The following URM1 variants were observed in gnomAD, a reference collection of about 807,000 sequenced individuals.
URM1 encodes ubiquitin related modifier 1, also known as ubiquitin-related modifier 1.
A neutral mutation model predicts 17.7 loss-of-function variants in URM1; 11 were observed. The ratio of observed to expected loss-of-function variants is 0.62; its 90% CI spans 0.39 to 1.03. The LOEUF is 1.03. URM1 is among the 50% of genes least tolerant of loss of function. The pLI is 0.00. For missense variants in URM1, 128 were observed against 129.2 expected (o/e 0.99, Z 0.04); for synonymous variants, 48 against 50.6 (o/e 0.95, Z 0.22).
At chr9:128,378,958 A>AG (rs1344085374) in intron 2 of URM1, among the ~76,000 whole-genome samples, 1 of 151,680 alleles carries the variant, frequency 6.6e-6, no homozygotes, top group Non-Finnish European at 1.5e-5. Context: ...AAAAAAAAAA[A>AG]AAAAAAAAAG....
chr9:128,385,121 CT>C (rs1833209908), intron 2 of URM1, among the ~76,000 whole-genome samples: 1 of 152,172 alleles, frequency 6.6e-6, no homozygotes, highest in African/African-American at 2.4e-5. Context: ...TTCTCAAGGC[CT>C]GGCCCCATCT....
At chr9:128,378,399 T>TGA (rs1248628149) in intron 2 of URM1, among the ~76,000 whole-genome samples, 3 of 150,568 alleles carry the variant, frequency 2.0e-5, no homozygotes, top group Admixed American at 6.6e-5. Flanking sequence ...TAGCTGGGCA[T>TGA]GGTGGCGCGT....
chr9:128,388,998 C>G, intron 3 of URM1: 1 of 1,296,288 alleles, frequency 7.7e-7, no homozygotes, highest in South Asian at 2.5e-5. Flanking sequence ...TACTCAGAAA[C>G]AAAATGACCT....
intron 1 of URM1, among the ~76,000 whole-genome samples, chr9:128,373,589 G>A (rs897648089): frequency 2.0e-5 from 3 of 152,106 alleles, no homozygotes; most frequent in African/African-American, 7.2e-5. Flanking sequence ...TCTTCCCCCT[G>A]AATTGTTCTC....
At position 128,377,871 on chromosome 9, in the gene URM1, G is replaced by GAA. The variant is rs941391888; in HGVS notation, c.36-165_36-164insAA. 6.0e-6 allele frequency: 4 copies of GAA among 667,774 alleles called. No individual in the cohort carries two copies. The Admixed American group carries it at 8.7e-5, about 15-fold the overall frequency. 41.4% of individuals were successfully genotyped at this position (667,774 alleles called of 1,614,324 possible). A position where few individuals can be genotyped will look rare whatever the true frequency, so the allele number is the denominator to read the frequency against. ...TAAGAACCTGTCTCTAAGAAAGAAA[G>GAA]GGGGAGAAAAAGAATTAGTCACTGC... On this transcript the variant is annotated intron_variant, in intron 1 of 4. Transcript: ENST00000372853.
rs1034569862 is a variant in URM1, at chr9:128,391,075, T to C, written c.*1341T>C. The C allele has an allele frequency of 1.3e-5, 2 of 152,230 alleles. No individual in the cohort carries two copies. The highest frequency in any genetic ancestry group is 2.4e-5 in the African/African-American group (1 of 41,448). The allele number at this position is 152,230 out of a possible 1,614,324, so 9.4% of individuals were successfully genotyped here. A position where few individuals can be genotyped will look rare whatever the true frequency, so the allele number is the denominator to read the frequency against. ...TGCTGAGCCCCCTTTCTGTGGTCTT[T>C]CCTTTCCATGACCTAGAGAAAAGAG... On this transcript the variant is annotated 3_prime_UTR_variant, in exon 5 of 5. Transcript: ENST00000372853.
intron 2 of URM1, among the ~76,000 whole-genome samples, chr9:128,379,727 AG>A (rs1233027388): frequency 5.9e-5 from 9 of 151,320 alleles, no homozygotes; most frequent in Admixed American, 4.0e-4. Flanking sequence ...TTAAACCTAA[AG>A]GGGCGGAGGT....
At chr9:128,382,780 A>T (rs1188135382) in intron 2 of URM1, among the ~76,000 whole-genome samples, 2 of 152,172 alleles carry the variant, frequency 1.3e-5, no homozygotes, top group Non-Finnish European at 2.9e-5. Flanking sequence ...GGTGAAGCAG[A>T]GTGTGCTGAC....
At chr9:128,373,172 C>T (rs1833033879) in intron 1 of URM1, among the ~76,000 whole-genome samples, 2 of 147,902 alleles carry the variant, frequency 1.4e-5, no homozygotes, top group Admixed American at 6.8e-5. Flanking sequence ...GACAACATTC[C>T]TCCACCCACC....
intron 2 of URM1, among the ~76,000 whole-genome samples, chr9:128,381,103 T>C (rs951463454): frequency 2.6e-5 from 4 of 152,038 alleles, no homozygotes; most frequent in Non-Finnish European, 4.4e-5. Flanking sequence ...GGATTACAGG[T>C]GTGAGCCACC....
chr9:128,378,125 A>G lies in URM1; in HGVS notation c.106+19A>G, dbSNP rs143343940. On this transcript the variant is annotated intron_variant, in intron 2 of 4. Transcript: ENST00000372853. ...GAACCCTGTGAGTATTGGCTTTCTG[A>G]ACCCCTCTCTTGGGGCCATTGAACA... 1 of 1,573,554 alleles carries G rather than the reference A, an allele frequency of 6.4e-7. No homozygotes were observed. Among genetic ancestry groups the G allele is most frequent in the Non-Finnish European group, 8.7e-7 (1 of 1,149,316 alleles).
At chr9:128,374,489 G>T (rs1168433957) in intron 1 of URM1, among the ~76,000 whole-genome samples, 18 of 151,774 alleles carry the variant, frequency 1.2e-4, no homozygotes, top group Admixed American at 1.2e-3. Flanking sequence ...AGAAAACGAG[G>T]CTCTTGGAAG....
intron 2 of URM1, among the ~76,000 whole-genome samples, chr9:128,382,004 G>C (rs1833165475): frequency 6.6e-6 from 1 of 152,240 alleles, no homozygotes; most frequent in Non-Finnish European, 1.5e-5. Flanking sequence ...GAAAGAGAAG[G>C]AGGGAGGGAC....
intron 1 of URM1, among the ~76,000 whole-genome samples, chr9:128,371,914 G>C (rs918482096): frequency 6.6e-6 from 1 of 152,336 alleles, no homozygotes; most frequent in Admixed American, 6.5e-5. Context: ...ATGGTAAACA[G>C]ACCTGAGCCT....
intron 2 of URM1, among the ~76,000 whole-genome samples, chr9:128,386,413 G>A (rs1445221583): frequency 2.0e-5 from 3 of 152,222 alleles, no homozygotes; most frequent in Admixed American, 6.5e-5. Flanking sequence ...TCCAGGGACC[G>A]TGAAGACTCT....
chr9:128,385,109 C>T (rs1047063761), intron 2 of URM1, among the ~76,000 whole-genome samples: 1 of 152,118 alleles, frequency 6.6e-6, no homozygotes, highest in African/African-American at 2.4e-5. Flanking sequence ...GGAGCAGGCC[C>T]GTTCTCAAGG....
chr9:128,383,436 C>T (rs970560595), intron 2 of URM1, among the ~76,000 whole-genome samples: 6 of 152,084 alleles, frequency 3.9e-5, no homozygotes, highest in East Asian at 1.9e-4. Flanking sequence ...GTGGGCTCTC[C>T]GAAGAGCCGT....
At chr9:128,388,960 T>C in intron 3 of URM1, 1 of 1,226,056 alleles carries the variant, frequency 8.2e-7, no homozygotes, top group Non-Finnish European at 1.0e-6. Context: ...ACAGTATCAC[T>C]TATCCCATTT....
intron 1 of URM1, among the ~76,000 whole-genome samples, chr9:128,372,994 T>C (rs1833032085): frequency 6.6e-6 from 1 of 152,110 alleles, no homozygotes; most frequent in Non-Finnish European, 1.5e-5. Flanking sequence ...TTATCAACAA[T>C]GTCTCTGCTA....
Sources: allele counts gnomAD v4.1 joint callset (sites outside exome capture counted in the v4.1 genomes callset), GRCh38; gene constraint gnomAD v4.1.1; transcripts MANE v1.5; gene names NCBI Gene and HGNC (gene_info 2026-07-23, HGNC 2026-07-21).